The following TUT4 variants were observed in gnomAD, a reference collection of about 807,000 sequenced individuals.
TUT4 encodes the protein terminal uridylyl transferase 4, also known as terminal uridylyltransferase 4.
Under a neutral mutation model 192.2 loss-of-function variants are expected in TUT4, and 36 were observed. The observed-to-expected ratio is 0.19, with a 90% CI of 0.14 to 0.25. TUT4 has a LOEUF of 0.25. TUT4 is among the 10% of genes least tolerant of loss of function. The pLI is 1.00. For synonymous variants in TUT4, 618 were observed against 666.0 expected (o/e 0.93, Z 1.11); for missense variants, 1,493 against 1,957.2 (o/e 0.76, Z 4.47).
intron 16 of TUT4, 46 bp from the exon 17 acceptor site, chr1:52,461,815 T>C (rs762688290): frequency 9.0e-7 from 1 of 1,107,014 alleles, no homozygotes; most frequent in Non-Finnish European, 1.3e-6. Flanking sequence ...TTTCACCTTG[T>C]GCAAATTCTA....
intron 1 of TUT4, among the ~76,000 whole-genome samples, chr1:52,536,082 A>G (rs1359276844): frequency 6.6e-6 from 1 of 152,262 alleles, no homozygotes; most frequent in Non-Finnish European, 1.5e-5. Flanking sequence ...AAATAACTAC[A>G]TAGGTAAATA....
chr1:52,436,232 T>C (rs1439555373), intron 26 of TUT4, among the ~76,000 whole-genome samples: 1 of 152,162 alleles, frequency 6.6e-6, no homozygotes, highest in Non-Finnish European at 1.5e-5. Context: ...ACGCCTGTAA[T>C]CCCAGCACTT....
chr1:52,474,245 GA>G (rs1666533043), intron 13 of TUT4, among the ~76,000 whole-genome samples: 1 of 152,094 alleles, frequency 6.6e-6, no homozygotes, highest in African/African-American at 2.4e-5. Context: ...TATCTTACTT[GA>G]AAAGAAAAAG....
At chr1:52,533,972 A>G (rs1684202924) in intron 1 of TUT4, among the ~76,000 whole-genome samples, 1 of 152,226 alleles carries the variant, frequency 6.6e-6, no homozygotes, top group African/African-American at 2.4e-5. Context: ...TCTCAAAAAA[A>G]GGAAGAAAAC....
intron 25 of TUT4, among the ~76,000 whole-genome samples, chr1:52,437,884 G>A (rs936355521): frequency 6.6e-6 from 1 of 151,532 alleles, no homozygotes; most frequent in Non-Finnish European, 1.5e-5. Flanking sequence ...GAAACTGGGA[G>A]GCGGAGGATG....
chr1:52,474,986 G>C lies in TUT4; in HGVS notation c.2573C>G (p.Thr858Arg). 5.6e-6 allele frequency: 9 copies of C among 1,614,194 alleles called. No individual in the cohort carries two copies. The highest frequency in any genetic ancestry group is 7.6e-6 in the Non-Finnish European group (9 of 1,180,038). ...GCACACACTCTGATGTGAACTCTCT[G>C]TTTCTAAATTTGACCTGCAGTCTGT... The part of the protein sequence containing the change: ...TGTDCRSNLE[T>R]ESSHQSVCTD... Residue 858 changes from threonine to arginine, a missense_variant, in exon 13 of 30, where the codon ACA becomes AGA. Physicochemically the swap from Thr to Arg is moderately conservative, Grantham distance 71. Coordinates refer to ENST00000257177, the MANE Select transcript of TUT4 (RefSeq NM_001009881.3).
chr1:52,446,735 T>C (rs1039477699), intron 20 of TUT4, 68 bp from the exon 21 acceptor site: 2 of 1,154,620 alleles, frequency 1.7e-6, no homozygotes, highest in Non-Finnish European at 2.5e-6. Context: ...AATACTCTAA[T>C]ACCATTTTAG....
intron 7 of TUT4, 77 bp downstream of exon 7, chr1:52,493,534 C>T: frequency 2.0e-6 from 2 of 1,020,736 alleles, no homozygotes; most frequent in Non-Finnish European, 1.4e-6. Flanking sequence ...ACTTGGTTAG[C>T]CATATATAAA....
At chr1:52,545,590 T>C in intron 1 of TUT4, among the ~76,000 whole-genome samples, 1 of 151,874 alleles carries the variant, frequency 6.6e-6, no homozygotes, top group African/African-American at 2.4e-5. Flanking sequence ...ATGCTGAATA[T>C]CACTAATCAT....
chr1:52,497,320 C>T (rs371106766), intron 4 of TUT4, 137 bp from the exon 5 acceptor site: 16 of 860,612 alleles, frequency 1.9e-5, no homozygotes, highest in East Asian at 1.7e-4. Context: ...ACCTACAATA[C>T]GGAAGTGAAC....
intron 3 of TUT4, among the ~76,000 whole-genome samples, chr1:52,510,317 CAAAAAAA>C (rs200690805): frequency 2.8e-3 from 218 of 78,610 alleles, no homozygotes; most frequent in African/African-American, 5.5e-3. Context: ...TTCGTATTAA[CAAAAAAA>C]AAAAAAAAAA....
Position 52,516,002 on chromosome 1 carries a change from G to A in TUT4, c.771C>T (p.Tyr257=), listed in dbSNP as rs764014941. 1 of 1,613,480 alleles carries A rather than the reference G, an allele frequency of 6.2e-7. No individual in the cohort carries two copies. The highest frequency in any genetic ancestry group is 1.1e-5 in the South Asian group (1 of 91,044). The change falls in exon 3 of 30, where the codon TAC becomes TAT. Residue 257 remains tyrosine, a synonymous_variant. Coordinates refer to ENST00000257177, the MANE Select transcript of TUT4 (RefSeq NM_001009881.3). The part of the protein sequence containing the change: ...SNKENSSEMD[Y]LENATVIDES... ...CATCTATCACAGTGGCATTTTCTAAGTAGTCCATCTCTGAAGAATTTTCTT... is the reference window on the plus strand; with the variant it reads ...CATCTATCACAGTGGCATTTTCTAAATAGTCCATCTCTGAAGAATTTTCTT...
chr1:52,423,421 ATTTTT>A lies in TUT4; in HGVS notation c.*509_*513del, dbSNP rs979211992. On this transcript the variant is annotated 3_prime_UTR_variant, in exon 30 of 30. Coordinates refer to ENST00000257177, the MANE Select transcript of TUT4 (RefSeq NM_001009881.3). ...AATCTTCATGTTGTAATTTTATTTTATTTTTTTACCTTTTAAAAAGTTTTTGGCAC... is the reference window on the plus strand; with the variant it reads ...AATCTTCATGTTGTAATTTTATTTTATTACCTTTTAAAAAGTTTTTGGCAC... The A allele has an allele frequency of 6.5e-6, 1 of 153,702 alleles. No individual in the cohort carries two copies. Among genetic ancestry groups the A allele is most frequent in the Admixed American group, 6.5e-5 (1 of 15,392 alleles). 9.5% of individuals were successfully genotyped at this position (153,702 alleles called of 1,614,324 possible).
intron 29 of TUT4, chr1:52,424,347 G>A (rs1649087200): frequency 3.5e-6 from 1 of 281,694 alleles, no homozygotes; most frequent in South Asian, 4.0e-5. Context: ...CCACAGTCAA[G>A]GCTCTGCCAC....
At chr1:52,496,724 G>A (rs1479936503) in intron 5 of TUT4, among the ~76,000 whole-genome samples, 2 of 152,078 alleles carry the variant, frequency 1.3e-5, no homozygotes, top group Non-Finnish European at 2.9e-5. Context: ...AGTCCACTCA[G>A]AAATCAGTGA....
At chr1:52,448,721 A>T (rs913416482) in intron 20 of TUT4, among the ~76,000 whole-genome samples, 1 of 152,128 alleles carries the variant, frequency 6.6e-6, no homozygotes, top group African/African-American at 2.4e-5. Context: ...ATCCTTAAAG[A>T]TTCAGACGCT....
chr1:52,545,650 A>G (rs1687873476), intron 1 of TUT4, among the ~76,000 whole-genome samples: 1 of 152,120 alleles, frequency 6.6e-6, no homozygotes, highest in Admixed American at 6.6e-5. Flanking sequence ...CACAACCCAT[A>G]GGACAGGACT....
At chr1:52,505,394 T>C (rs1166006616) in intron 4 of TUT4, among the ~76,000 whole-genome samples, 1 of 151,490 alleles carries the variant, frequency 6.6e-6, no homozygotes, top group African/African-American at 2.4e-5. Flanking sequence ...ATAGAAGTCG[T>C]CTTCTACTCC....
chr1:52,518,510 T>C (rs1336905798), intron 2 of TUT4, among the ~76,000 whole-genome samples: 1 of 152,226 alleles, frequency 6.6e-6, no homozygotes, highest in African/African-American at 2.4e-5. Flanking sequence ...CTCACCATTA[T>C]GACCTCATTT....
Sources: allele counts gnomAD v4.1 joint callset (sites outside exome capture counted in the v4.1 genomes callset), GRCh38; gene constraint gnomAD v4.1.1; transcripts MANE v1.5; gene names NCBI Gene and HGNC (gene_info 2026-07-23, HGNC 2026-07-21).